The following DICER1 variants were observed in gnomAD, a reference collection of about 807,000 sequenced individuals.
DICER1 encodes endoribonuclease Dicer.
A neutral mutation model predicts 194.1 loss-of-function variants in DICER1; 43 were observed. That is an observed-to-expected ratio of 0.22 (90% CI 0.17 to 0.29). DICER1 has a LOEUF of 0.29. DICER1 is among the 10% of genes least tolerant of loss of function. The probability of loss-of-function intolerance (pLI) is 1.00; values close to 1 mark genes in which losing one functional copy is unlikely to be tolerated. For synonymous variants in DICER1, 832 were observed against 820.5 expected, an observed-to-expected ratio of 1.01 and a Z score of -0.24; for missense variants, 1,608 against 2,317.0, an observed-to-expected ratio of 0.69 and a Z score of 6.28.
intron 8 of DICER1, among the ~76,000 whole-genome samples, chr14:95,119,535 T>C (rs369277117): frequency 2.6e-5 from 4 of 152,352 alleles, no homozygotes; most frequent in South Asian, 2.1e-4. Flanking sequence ...TAATGGACAG[T>C]GCAAACTGCT....
chr14:95,133,096 G>GA (rs1245897508), intron 2 of DICER1, among the ~76,000 whole-genome samples: 1 of 152,050 alleles, frequency 6.6e-6, no homozygotes, highest in Non-Finnish European at 1.5e-5. Context: ...TTCAGAGGGG[G>GA]AAAAAAGAAA....
intron 14 of DICER1, among the ~76,000 whole-genome samples, chr14:95,109,695 G>C (rs1891781364): frequency 6.6e-6 from 1 of 152,176 alleles, no homozygotes; most frequent in Non-Finnish European, 1.5e-5. Context: ...TAAGCTGGGT[G>C]CAAAATTTTA....
Position 95,103,208 on chromosome 14 carries a change from A to G in DICER1, c.4050+138T>C, listed in dbSNP as rs1891047791. On this transcript the variant is annotated intron_variant, in intron 21 of 26. Transcript: ENST00000343455. The stretch of plus-strand genomic sequence containing the variant: ...AGGCTTTCGCTGGCCCTGGTAGAAC[A>G]AGGGAGCAGCTGTGCTTGGCCGGTG... The G allele has an allele frequency of 3.2e-6, 3 of 951,800 alleles. No homozygotes were observed. In the South Asian group the frequency reaches 4.1e-5, roughly 13 times the overall value. The allele number at this position is 951,800 out of a possible 1,614,324, so 59.0% of individuals were successfully genotyped here.
At chr14:95,133,928 A>G (rs1432423175) in intron 1 of DICER1, among the ~76,000 whole-genome samples, 1 of 152,212 alleles carries the variant, frequency 6.6e-6, no homozygotes, top group African/African-American at 2.4e-5. Context: ...TAAACCTTTA[A>G]AAGAAAATAT....
chr14:95,126,810 T>G (rs1475993146), intron 6 of DICER1, 62 bp from the exon 7 acceptor site: 1 of 1,110,266 alleles, frequency 9.0e-7, no homozygotes, highest in Non-Finnish European at 1.3e-6. Flanking sequence ...TTAAAAAAAG[T>G]TTTTCAAAAA....
chr14:95,144,075 C>CA (rs1357608933), intron 1 of DICER1, among the ~76,000 whole-genome samples: 7 of 152,282 alleles, frequency 4.6e-5, no homozygotes, highest in Admixed American at 6.5e-5. Context: ...GAAAAAGTCT[C>CA]AGATGTTTTT....
chr14:95,150,932 T>C (rs1895473811), intron 1 of DICER1, among the ~76,000 whole-genome samples: 1 of 152,190 alleles, frequency 6.6e-6, no homozygotes, highest in Non-Finnish European at 1.5e-5. Flanking sequence ...GGCACAATTA[T>C]AGCTCACTGC....
rs1889684547 is a variant in DICER1 at position 95,090,402 on chromosome 14, A to G, written c.*96T>C. Reference sequence around the variant, plus strand: ...TTAAATTCTGCCTTCAATTCATTCCACTCACTAACAACTTTAAGTCTTCCT... The same window carrying G: ...TTAAATTCTGCCTTCAATTCATTCCGCTCACTAACAACTTTAAGTCTTCCT... On this transcript the variant is annotated 3_prime_UTR_variant, in exon 27 of 27. Coordinates refer to ENST00000343455, the MANE Select transcript of DICER1 (RefSeq NM_177438.3). The G allele has an allele frequency of 7.4e-7, 1 of 1,357,370 alleles. No individual in the cohort carries two copies. Among genetic ancestry groups the G allele is most frequent in the African/African-American group, 1.4e-5 (1 of 69,482 alleles). The allele number at this position is 1,357,370 out of a possible 1,614,324, so 84.1% of individuals were successfully genotyped here.
chr14:95,133,167 T>C (rs1222599287), intron 2 of DICER1, 148 bp downstream of exon 2: 1 of 795,590 alleles, frequency 1.3e-6, no homozygotes, highest in East Asian at 2.7e-5. Context: ...AAAAGGACTA[T>C]TAAGAATAAA....
intron 11 of DICER1, among the ~76,000 whole-genome samples, chr14:95,113,779 A>T (rs1379704204): frequency 6.6e-6 from 1 of 152,210 alleles, no homozygotes; most frequent in Non-Finnish European, 1.5e-5. Flanking sequence ...TAGCCCAGAA[A>T]GGGATGCTGG....
Position 95,132,671 on chromosome 14 carries a change from G to C in DICER1, c.151C>G (p.Leu51Val), listed in dbSNP as rs1894056077. 1 of 1,613,694 alleles carries C rather than the reference G, an allele frequency of 6.2e-7. No homozygotes were observed. The highest frequency in any genetic ancestry group is 1.7e-5 in the Admixed American group (1 of 59,996). Reference protein sequence around the residue: ...IYTPRKYQVELLEAALDHNTI... With the variant: ...IYTPRKYQVEVLEAALDHNTI... Reference sequence around the variant, plus strand: ...TTATGATCCAGAGCTGCTTCAAGCAGTTCAACCTAGAAACATGGTGAAAAA... The same window carrying C: ...TTATGATCCAGAGCTGCTTCAAGCACTTCAACCTAGAAACATGGTGAAAAA... The change falls in exon 3 of 27, where the codon CTG (leucine) becomes GTG (valine). Residue 51 changes from leucine to valine, a missense_variant. Leu to Val is a conservative substitution (Grantham distance 32). This residue lies in a region of DICER1 where 657 missense variants were observed against 910.1 expected (regional missense o/e 0.72). Coordinates refer to ENST00000343455, the MANE Select transcript of DICER1 (RefSeq NM_177438.3).
rs1252937738 is a variant in DICER1 at position 95,124,032 on chromosome 14, T to C, written c.1376+164A>G. ...AAAAGCAGCCTTCTGGAAAACATCC[T>C]CTCTGTCAATCCCAGGACAGCATGA... is the stretch of plus-strand genomic sequence containing the variant. On this transcript the variant is annotated intron_variant, in intron 8 of 26. Coordinates refer to ENST00000343455, the MANE Select transcript of DICER1 (RefSeq NM_177438.3). The surrounding 1 kb of genome is among the most constrained non-coding windows in gnomAD (Gnocchi z 4.5). Among the ~76,000 whole-genome samples the C allele has an allele frequency of 6.6e-6, 1 of 152,174 alleles. No individual in the cohort carries two copies. Among genetic ancestry groups the C allele is most frequent in the African/African-American group, 2.4e-5 (1 of 41,438 alleles).
At chr14:95,107,424 G>A (rs908789714) in intron 17 of DICER1, among the ~76,000 whole-genome samples, 184 bp downstream of exon 17, 1 of 151,804 alleles carries the variant, frequency 6.6e-6, no homozygotes, top group East Asian at 1.9e-4. Context: ...CTAATTTTTT[G>A]TATTTTTAGT....
Position 95,124,784 on chromosome 14 carries a change from C to G in DICER1, c.904-116G>C. On this transcript the variant is annotated intron_variant, in intron 7 of 26. Coordinates refer to ENST00000343455, the MANE Select transcript of DICER1 (RefSeq NM_177438.3). The surrounding 1 kb of genome is among the most constrained non-coding windows in gnomAD (Gnocchi z 4.5). ...AAATGGCTCCTTAAATGTAACCCAG[C>G]CTTAGGTTAAGTCCCTGAAGGTGGG... is the stretch of plus-strand genomic sequence containing the variant. The G allele has an allele frequency of 1.1e-6, 1 of 886,288 alleles. No homozygotes were observed. The allele number at this position is 886,288 out of a possible 1,614,324, so 54.9% of individuals were successfully genotyped here.
intron 1 of DICER1, among the ~76,000 whole-genome samples, chr14:95,155,357 C>T (rs1425137301): frequency 6.6e-6 from 1 of 152,158 alleles, no homozygotes; most frequent in Non-Finnish European, 1.5e-5. Context: ...GAAACAAGCA[C>T]CTCACATGTC....
intron 1 of DICER1, among the ~76,000 whole-genome samples, chr14:95,144,127 T>C (rs188037519): frequency 2.2e-3 from 330 of 152,294 alleles, no homozygotes; most frequent in Non-Finnish European, 4.0e-3. Context: ...CCTCTTAATA[T>C]ACACATTTAT....
rs749810821 is a variant in DICER1 at position 95,094,155 on chromosome 14, A to G, written c.5097T>C (p.Asp1699=). 1.2e-6 allele frequency: 2 copies of G among 1,614,134 alleles called. No individual in the cohort carries two copies. The change falls in exon 24 of 27, where the codon GAT becomes GAC. Residue 1699 remains aspartate (D), a splice_region_variant and synonymous_variant. Transcript: ENST00000343455. ...CCAGGAATTCTAAGCGCTGGTAACA[A>G]TCTGAGGGGATCCGAAGTGGAACCG... ...HASYHYNTIT[D]CYQRLEFLGD... is the part of the protein sequence containing the mutation.
At chr14:95,134,283 T>C (rs866702249) in intron 1 of DICER1, 2 of 151,854 alleles carry the variant, frequency 1.3e-5, no homozygotes, top group Admixed American at 6.5e-5. Flanking sequence ...CTAAGCACTT[T>C]CTATATTTCA....
intron 1 of DICER1, chr14:95,136,848 T>C (rs923217054): frequency 9.9e-5 from 15 of 152,266 alleles, no homozygotes; most frequent in African/African-American, 3.1e-4. Context: ...GGGTCATTGA[T>C]GACATCAATA....
Sources: gnomAD v4.1 joint callset for allele counts (sites outside exome capture counted in the v4.1 genomes callset) on GRCh38, gnomAD v4.1.1 for gene constraint, gnomAD v4.1.1 regional missense constraint, Gnocchi (gnomAD v3.1) non-coding constraint, MANE v1.5 for transcripts, NCBI Gene and HGNC (gene_info 2026-07-23, HGNC 2026-07-21) for gene names.